Variants in GPC4 observed in about 807,000 individuals in gnomAD.
GPC4 encodes the protein glypican 4.
Under a neutral mutation model 35.0 loss-of-function variants are expected in GPC4, and 10 were observed. The observed-to-expected ratio is 0.29, with a 90% CI of 0.18 to 0.48. The LOEUF is 0.48. GPC4 is among the 20% of genes least tolerant of loss of function. The probability of loss-of-function intolerance (pLI) is 0.99; values close to 1 mark genes in which losing one functional copy is unlikely to be tolerated. For missense variants in GPC4, 322 were observed against 451.3 expected (o/e 0.71, Z 2.60); for synonymous variants, 167 against 170.2 (o/e 0.98, Z 0.15).
chrX:133,338,909 T>C (rs756425134), intron 2 of GPC4, among the ~76,000 whole-genome samples: 6 of 111,370 alleles, frequency 5.4e-5, no homozygotes, highest in Non-Finnish European at 1.1e-4. Flanking sequence ...AACAACACTA[T>C]TCTGTGTTCA....
At chrX:133,355,499 T>C (rs757808831) in intron 1 of GPC4, among the ~76,000 whole-genome samples, 3 of 112,032 alleles carry the variant, frequency 2.7e-5, no homozygotes, top group African/African-American at 9.7e-5. Context: ...TATTAAGAAA[T>C]AGTCATGATG....
intron 4 of GPC4, among the ~76,000 whole-genome samples, chrX:133,308,179 A>C (rs2068299308): frequency 8.9e-6 from 1 of 112,040 alleles, no homozygotes; most frequent in Non-Finnish European, 1.9e-5. Context: ...CTCAAGAGAA[A>C]GCCAAAGATG....
Position 133,324,184 on chromosome X carries a change from G to A in GPC4, c.672C>T (p.Gly224=), listed in dbSNP as rs1379530105. The A allele has an allele frequency of 8.3e-7, 1 of 1,208,937 alleles. No individual in the cohort carries two copies. Among genetic ancestry groups the A allele is most frequent in the Non-Finnish European group, 1.1e-6 (1 of 894,798 alleles). The part of the protein sequence containing the change: ...AFVAARTFAQ[G]LAVAGDVVSK... ...TCACGACATCTCCCGCAACCGCTAA[G>A]CCTTGAGCGAAAGTACGGGCTGCTA... The change falls in exon 3 of 9, where the codon GGC becomes GGT. Residue 224 remains glycine, a synonymous_variant. Transcript: ENST00000370828.
At chrX:133,409,935 G>A (rs1266159519) in intron 1 of GPC4, among the ~76,000 whole-genome samples, 1 of 111,253 alleles carries the variant, frequency 9.0e-6, no homozygotes, top group Non-Finnish European at 1.9e-5. Context: ...CTCTTGCCTC[G>A]CCAACCCTTA....
Position 133,405,104 on chromosome X carries a change from CTT to C in GPC4, c.160+9700_160+9701del, listed in dbSNP as rs746824918. ...TATTTTGAATATTTCCAATAGAACT[CTT>C]TTTTTTTTTTTTTTTTTTTGAGACA... On this transcript the variant is annotated intron_variant, in intron 1 of 8. Coordinates refer to ENST00000370828, the MANE Select transcript of GPC4 (RefSeq NM_001448.3). 3.0e-3 allele frequency among the ~76,000 whole-genome samples: 203 copies of C among 67,143 alleles called. 1 individual carries two copies. Among genetic ancestry groups the C allele is most frequent in the Middle Eastern group, 0.023 (3 of 128 alleles). The allele number at this position is 67,143 out of a possible 115,157, so 58.3% of individuals were successfully genotyped here.
chrX:133,415,038 G>A lies in GPC4; in HGVS notation c.-73C>T. ...AGCGGCGCTACGGCAGCGGGCCGAG[G>A]GCTGGCGGAGTCGGGGACTAGCGAG... is the stretch of plus-strand genomic sequence containing the variant. On this transcript the variant is annotated 5_prime_UTR_variant, in exon 1 of 9. Coordinates refer to ENST00000370828, the MANE Select transcript of GPC4 (RefSeq NM_001448.3). The A allele has an allele frequency of 2.8e-6, 3 of 1,058,376 alleles. No individual in the cohort carries two copies. Among genetic ancestry groups the A allele is most frequent in the Non-Finnish European group, 3.9e-6 (3 of 778,126 alleles). 87.2% of individuals were successfully genotyped at this position (1,058,376 alleles called of 1,213,427 possible). A position where few individuals can be genotyped will look rare whatever the true frequency, so the allele number is the denominator to read the frequency against.
chrX:133,414,342 C>T (rs2068827557), intron 1 of GPC4: 1 of 314,677 alleles, frequency 3.2e-6, no homozygotes, highest in Admixed American at 9.5e-5. Flanking sequence ...GGGACGTTTC[C>T]CTCCACCACA....
intron 1 of GPC4, among the ~76,000 whole-genome samples, chrX:133,362,290 G>T (rs1311463737): frequency 9.1e-6 from 1 of 110,044 alleles, no homozygotes; most frequent in Non-Finnish European, 1.9e-5. Context: ...AACAGAAGAG[G>T]CAAGGAAAAA....
chrX:133,320,624 CAAAAAA>C (rs11329655), intron 3 of GPC4, among the ~76,000 whole-genome samples: 1 of 37,742 alleles, frequency 2.6e-5, no homozygotes, highest in Non-Finnish European at 4.7e-5. Flanking sequence ...AACTCTGTCT[CAAAAAA>C]AAAAAAAAAA....
Position 133,395,580 on chromosome X carries a change from T to C in GPC4, c.160+19226A>G, listed in dbSNP as rs191825038. ...CAGAGGTTGCAATGAGCCAAGATCATGCCACTGCACTCCAGCCTGGGCAAC... is the reference window on the plus strand; with the variant it reads ...CAGAGGTTGCAATGAGCCAAGATCACGCCACTGCACTCCAGCCTGGGCAAC... On this transcript the variant is annotated intron_variant, in intron 1 of 8. Coordinates refer to ENST00000370828, the MANE Select transcript of GPC4 (RefSeq NM_001448.3). Among the ~76,000 whole-genome samples the C allele has an allele frequency of 2.3e-4, 26 of 111,764 alleles. No homozygotes were observed. In the East Asian group the frequency reaches 5.4e-3, roughly 23 times the overall value.
At position 133,300,874 on chromosome X, in the gene GPC4, T is replaced by TCA. The variant is rs966008402; in HGVS notation, c.*1991_*1992dup. The TCA allele has an allele frequency of 1.8e-4, 20 of 111,802 alleles. No individual in the cohort carries two copies. Among genetic ancestry groups the TCA allele is most frequent in the Non-Finnish European group, 3.8e-5 (2 of 53,217 alleles). The allele number at this position is 111,802 out of a possible 1,213,427, so 9.2% of individuals were successfully genotyped here. On this transcript the variant is annotated 3_prime_UTR_variant, in exon 9 of 9. Coordinates refer to ENST00000370828, the MANE Select transcript of GPC4 (RefSeq NM_001448.3). ...CAGTCTAAGCTAAAAAGGAAATTCC[T>TCA]CACAACTGAGGTAGTTACTAAGTAT...
At chrX:133,359,264 AC>A (rs769739884) in intron 1 of GPC4, among the ~76,000 whole-genome samples, 1 of 111,651 alleles carries the variant, frequency 9.0e-6, no homozygotes, top group East Asian at 2.8e-4. Flanking sequence ...AAAGTAAACA[AC>A]CCTCAAGATG....
chrX:133,328,616 C>T (rs967360173), intron 2 of GPC4, among the ~76,000 whole-genome samples: 16 of 110,998 alleles, frequency 1.4e-4, no homozygotes, highest in Non-Finnish European at 2.6e-4. Flanking sequence ...TGTTCATCTC[C>T]ATTTTTTTTT....
chrX:133,403,702 C>CT (rs1226269446), intron 1 of GPC4, among the ~76,000 whole-genome samples: 190 of 99,540 alleles, frequency 1.9e-3, no homozygotes, highest in South Asian at 0.012. Flanking sequence ...ATAGAGCTGC[C>CT]TTTTTTTTTT....
chrX:133,361,343 A>G (rs760486272), intron 1 of GPC4, among the ~76,000 whole-genome samples: 1 of 112,440 alleles, frequency 8.9e-6, no homozygotes, highest in Non-Finnish European at 1.9e-5. Context: ...AAGGGCATCA[A>G]ATAGCTGGTT....
At chrX:133,400,684 G>A (rs1380850184) in intron 1 of GPC4, among the ~76,000 whole-genome samples, 1 of 111,778 alleles carries the variant, frequency 8.9e-6, no homozygotes, top group Non-Finnish European at 1.9e-5. Flanking sequence ...AGTCAACTAT[G>A]CCCTCTGAAA....
intron 3 of GPC4, among the ~76,000 whole-genome samples, chrX:133,321,859 C>A (rs562639903): frequency 9.0e-6 from 1 of 111,566 alleles, no homozygotes; most frequent in Admixed American, 9.5e-5. Context: ...TTGCAATTTA[C>A]GATGAAAATA....
intron 1 of GPC4, among the ~76,000 whole-genome samples, chrX:133,369,744 G>T (rs2068604534): frequency 9.0e-6 from 1 of 111,440 alleles, no homozygotes; most frequent in Non-Finnish European, 1.9e-5. Context: ...AAAAGCAAGA[G>T]GTTGAGAATT....
intron 1 of GPC4, among the ~76,000 whole-genome samples, chrX:133,344,940 T>G (rs756221220): frequency 8.9e-6 from 1 of 112,482 alleles, no homozygotes; most frequent in African/African-American, 3.2e-5. Context: ...TGAGGAACAT[T>G]TGAGAAGAAC....
Sources: allele counts gnomAD v4.1 joint callset (sites outside exome capture counted in the v4.1 genomes callset), GRCh38; gene constraint gnomAD v4.1.1; transcripts MANE v1.5; gene names NCBI Gene and HGNC (gene_info 2026-07-23, HGNC 2026-07-21).